Variants in ADGRG6 observed in about 807,000 individuals in gnomAD.
ADGRG6 encodes the protein G-protein coupled receptor 126.
ADGRG6 carries 84 observed loss-of-function variants against 142.4 expected under a neutral mutation model. That is an observed-to-expected ratio of 0.59 (90% CI 0.49 to 0.71). The LOEUF is 0.71. Among genes scored for constraint, ADGRG6 ranks in the 30% least tolerant of loss-of-function variants. ADGRG6 has a pLI of 0.00. For missense variants in ADGRG6, 1,367 were observed against 1,466.6 expected (o/e 0.93, Z 1.11); for synonymous variants, 521 against 520.5 (o/e 1.00, Z -0.01).
intron 2 of ADGRG6, among the ~76,000 whole-genome samples, chr6:142,325,405 C>T (rs1778724809): frequency 6.6e-6 from 1 of 152,100 alleles, no homozygotes; most frequent in Non-Finnish European, 1.5e-5. Context: ...GGCTGAGGCT[C>T]CACGGTATTA....
chr6:142,365,256 G>T (rs1240400550), intron 2 of ADGRG6, among the ~76,000 whole-genome samples: 2 of 152,168 alleles, frequency 1.3e-5, no homozygotes, highest in Admixed American at 1.3e-4. Flanking sequence ...CCAAAGAGAT[G>T]TTCCAGAGCA....
intron 9 of ADGRG6, 35 bp from the exon 10 acceptor site, chr6:142,397,575 GAAC>G: frequency 3.1e-6 from 5 of 1,588,018 alleles, no homozygotes; most frequent in Admixed American, 1.8e-5. Flanking sequence ...AGCAACCAAT[GAAC>G]AACAACAACA....
intron 24 of ADGRG6, among the ~76,000 whole-genome samples, chr6:142,440,449 A>C (rs1777700366): frequency 6.6e-6 from 1 of 151,972 alleles, no homozygotes; most frequent in Non-Finnish European, 1.5e-5. Context: ...GGTGTGCACC[A>C]CCACACTTGT....
intron 2 of ADGRG6, among the ~76,000 whole-genome samples, chr6:142,340,014 GA>G (rs1376534677): frequency 2.0e-5 from 3 of 152,254 alleles, no homozygotes; most frequent in East Asian, 1.9e-4. Context: ...GCAGAAATTA[GA>G]TAGGGCTAAG....
At chr6:142,403,543 A>C (rs1344065717) in intron 13 of ADGRG6, among the ~76,000 whole-genome samples, 1 of 152,128 alleles carries the variant, frequency 6.6e-6, no homozygotes, top group Non-Finnish European at 1.5e-5. Context: ...TAAATGAAAA[A>C]CAGTATTTGT....
intron 2 of ADGRG6, among the ~76,000 whole-genome samples, chr6:142,351,732 A>T (rs528155168): frequency 1.4e-4 from 22 of 152,310 alleles, no homozygotes; most frequent in African/African-American, 5.1e-4. Flanking sequence ...CTGCACAGCA[A>T]ATGAAACTAT....
At chr6:142,413,901 A>T (rs1287146539) in intron 18 of ADGRG6, among the ~76,000 whole-genome samples, 38 of 115,000 alleles carry the variant, frequency 3.3e-4, no homozygotes, top group South Asian at 1.1e-3. Flanking sequence ...TTTCTTTATC[A>T]CACACACACA....
At chr6:142,413,926 C>T (rs1487646188) in intron 18 of ADGRG6, among the ~76,000 whole-genome samples, 1 of 147,924 alleles carries the variant, frequency 6.8e-6, no homozygotes, top group East Asian at 2.0e-4. Flanking sequence ...CACACACACA[C>T]ACACACACAC....
At chr6:142,416,518 T>C (rs1053102614) in intron 20 of ADGRG6, among the ~76,000 whole-genome samples, 1 of 152,328 alleles carries the variant, frequency 6.6e-6, no homozygotes, top group Admixed American at 6.5e-5. Flanking sequence ...GATTATTGCC[T>C]TGAACTTTTT....
chr6:142,367,058 C>T (rs1484378858), intron 2 of ADGRG6, among the ~76,000 whole-genome samples: 1 of 152,040 alleles, frequency 6.6e-6, no homozygotes, highest in Non-Finnish European at 1.5e-5. Context: ...GTATTGATAG[C>T]TTTCTATTAA....
At position 142,370,593 on chromosome 6, in the gene ADGRG6, A is replaced by T; in HGVS notation, c.869A>T (p.Lys290Ile). Residue 290 changes from lysine (K) to isoleucine (I), a missense_variant, in exon 4 of 25, where the codon AAA (lysine) becomes ATA (isoleucine). By Grantham distance (102) the Lys-to-Ile change is moderately radical (BLOSUM62 -3). This residue lies in a region of ADGRG6 where 737 missense variants were observed against 746.5 expected (regional missense o/e 0.99). Coordinates refer to ENST00000367609, the MANE Select transcript of ADGRG6 (RefSeq NM_198569.3). ...AGTAAAGTTATTCCTGGGAATGGGA[A>T]ATTGTTGTTGGGCTCCAATCAAAAT... ...TISKVIPGNG[K>I]LLLGSNQNEI... The T allele has an allele frequency of 6.2e-7, 1 of 1,612,638 alleles. No individual in the cohort carries two copies. The highest frequency in any genetic ancestry group is 1.1e-5 in the South Asian group (1 of 91,006).
intron 1 of ADGRG6, among the ~76,000 whole-genome samples, chr6:142,309,080 T>C (rs1777636910): frequency 6.6e-6 from 1 of 151,880 alleles, no homozygotes; most frequent in Admixed American, 6.6e-5. Context: ...TTTGGTTTTA[T>C]GTTAAATATT....
intron 18 of ADGRG6, among the ~76,000 whole-genome samples, chr6:142,412,695 T>C (rs1776145897): frequency 6.6e-6 from 1 of 152,210 alleles, no homozygotes; most frequent in South Asian, 2.1e-4. Context: ...TAAGTAATTA[T>C]AAAAGAAAAT....
rs571360185 is a variant in ADGRG6 at position 142,425,270 on chromosome 6, G to A, written c.3319+5166G>A. Among the ~76,000 whole-genome samples the A allele has an allele frequency of 5.9e-5, 9 of 152,276 alleles. No homozygotes were observed. In the South Asian group the frequency reaches 1.5e-3, roughly 25 times the overall value. On this transcript the variant is annotated intron_variant, in intron 22 of 24. Coordinates refer to ENST00000367609, the MANE Select transcript of ADGRG6 (RefSeq NM_198569.3). ...CTGCCCAGTAGGGTCTGTAGGGCGA[G>A]CAGGTAGGAGGAGACTCTCAGTGTT... is the stretch of plus-strand genomic sequence containing the variant.
At chr6:142,313,816 A>G (rs1202922212) in intron 2 of ADGRG6, among the ~76,000 whole-genome samples, 2 of 152,224 alleles carry the variant, frequency 1.3e-5, no homozygotes, top group East Asian at 1.9e-4. Context: ...TCTATATTTA[A>G]GAATTAAATC....
rs35025773 is a variant in ADGRG6 at position 142,323,119 on chromosome 6, A to AT, written c.103+13489dup. ...CTGTACCCCTGTATAAATGTCACTTATTTTTTTTTTTTTTGCCTATGAAGA... is the reference window on the plus strand; with the variant it reads ...CTGTACCCCTGTATAAATGTCACTTATTTTTTTTTTTTTTTGCCTATGAAGA... On this transcript the variant is annotated intron_variant, in intron 2 of 24. Transcript: ENST00000367609. 5.1e-3 allele frequency among the ~76,000 whole-genome samples: 726 copies of AT among 143,044 alleles called. 9 individuals are homozygous for AT. The highest frequency in any genetic ancestry group is 7.1e-3 in the South Asian group (32 of 4,492). 93.8% of individuals were successfully genotyped at this position (143,044 alleles called of 152,430 possible). A position where few individuals can be genotyped will look rare whatever the true frequency, so the allele number is the denominator to read the frequency against.
At chr6:142,435,986 G>T (rs1451848280) in intron 22 of ADGRG6, among the ~76,000 whole-genome samples, 1 of 152,042 alleles carries the variant, frequency 6.6e-6, no homozygotes, top group African/African-American at 2.4e-5. Flanking sequence ...GAATTAAAGG[G>T]ATGTGTGTGT....
At chr6:142,387,965 T>C (rs976475874) in intron 6 of ADGRG6, among the ~76,000 whole-genome samples, 1 of 152,242 alleles carries the variant, frequency 6.6e-6, no homozygotes, top group Non-Finnish European at 1.5e-5. Context: ...CTGGAACACA[T>C]GAAGATTTGT....
intron 4 of ADGRG6, among the ~76,000 whole-genome samples, chr6:142,371,288 A>G (rs1357844501): frequency 2.0e-5 from 3 of 150,150 alleles, no homozygotes; most frequent in Admixed American, 2.0e-4. Context: ...TCAGCCTCCC[A>G]AGTATCTGGG....
Sources: allele counts gnomAD v4.1 joint callset (sites outside exome capture counted in the v4.1 genomes callset), GRCh38; gene constraint gnomAD v4.1.1; regional missense constraint gnomAD v4.1.1; transcripts MANE v1.5; gene names NCBI Gene and HGNC (gene_info 2026-07-23, HGNC 2026-07-21).